Variants in MARCHF1 observed in about 807,000 individuals in gnomAD.
The protein encoded by MARCHF1 is E3 ubiquitin-protein ligase MARCHF1.
Under a neutral mutation model 54.2 loss-of-function variants are expected in MARCHF1, and 40 were observed. That is an observed-to-expected ratio of 0.74 (90% confidence interval 0.57 to 0.96). The LOEUF is 0.96. MARCHF1 is among the 40% of genes least tolerant of loss of function. The pLI, the probability that MARCHF1 is intolerant of heterozygous loss-of-function variation, is 0.00. For synonymous variants in MARCHF1, 236 were observed against 236.3 expected (o/e 1.00, Z 0.01); for missense variants, 586 against 656.5 (o/e 0.89, Z 1.17).
chr4:163,949,115 A>G (rs1217198437), intron 3 of MARCHF1, among the ~76,000 whole-genome samples: 3 of 152,190 alleles, frequency 2.0e-5, no homozygotes, highest in Non-Finnish European at 4.4e-5. Context: ...ACCGGCTTGG[A>G]TCCCTTGCCT....
At chr4:164,146,690 T>C (rs1389354020) in intron 1 of MARCHF1, among the ~76,000 whole-genome samples, 1 of 152,066 alleles carries the variant, frequency 6.6e-6, no homozygotes, top group Non-Finnish European at 1.5e-5. Context: ...GATTAAAGAC[T>C]TAAACATTAG....
At chr4:163,594,490 C>T (rs1304365398) in intron 7 of MARCHF1, among the ~76,000 whole-genome samples, 2 of 151,518 alleles carry the variant, frequency 1.3e-5, no homozygotes, top group Non-Finnish European at 2.9e-5. Context: ...CAACCAGTGC[C>T]AATACACACA....
chr4:163,783,033 T>A (rs933996733), intron 4 of MARCHF1, among the ~76,000 whole-genome samples: 2 of 152,166 alleles, frequency 1.3e-5, no homozygotes, highest in Admixed American at 1.3e-4. Flanking sequence ...CACTTCAATA[T>A]AAAGATAAAG....
intron 5 of MARCHF1, among the ~76,000 whole-genome samples, chr4:163,688,678 T>G (rs1744347034): frequency 1.3e-5 from 2 of 151,866 alleles, no homozygotes; most frequent in African/African-American, 4.8e-5. Flanking sequence ...TTGCACGGAG[T>G]TTTTAATTAA....
chr4:164,348,304 A>G (rs1257549371), intron 1 of MARCHF1, among the ~76,000 whole-genome samples: 1 of 152,202 alleles, frequency 6.6e-6, no homozygotes, highest in African/African-American at 2.4e-5. Context: ...GAAAGGAAGA[A>G]GAAAGATTCA....
chr4:163,801,037 A>C (rs1261888650), intron 4 of MARCHF1, among the ~76,000 whole-genome samples: 1 of 152,138 alleles, frequency 6.6e-6, no homozygotes, highest in Non-Finnish European at 1.5e-5. Context: ...CCAAGTACTA[A>C]ATCTGTTCAT....
rs1451835978 is a variant in MARCHF1 at position 163,923,965 on chromosome 4, C to T, written c.-39+64536G>A. On this transcript the variant is annotated intron_variant, in intron 3 of 9. Coordinates refer to ENST00000514618, the MANE Select transcript of MARCHF1 (RefSeq NM_001394959.1). ...TTGCTTATGGTTTTATATCATCTAC[C>T]ATTGTATCATGACTATTTTGGCCTG... is the stretch of plus-strand genomic sequence containing the variant. Among the ~76,000 whole-genome samples, 3 of 151,746 alleles carry T rather than the reference C, an allele frequency of 2.0e-5. No individual in the cohort carries two copies. The East Asian group carries it at 5.8e-4, about 29-fold the overall frequency.
intron 3 of MARCHF1, among the ~76,000 whole-genome samples, chr4:163,979,018 T>G (rs1379039494): frequency 3.7e-5 from 2 of 54,652 alleles, no homozygotes; most frequent in African/African-American, 1.1e-4. Flanking sequence ...GCCCTTTAAT[T>G]CTTTTTTTTT....
intron 4 of MARCHF1, among the ~76,000 whole-genome samples, chr4:163,797,713 T>C (rs1371250060): frequency 6.6e-6 from 1 of 152,044 alleles, no homozygotes; most frequent in Non-Finnish European, 1.5e-5. Context: ...ATTTCTAGAG[T>C]TTCATTTGAT....
chr4:163,649,108 T>C (rs983422431), intron 5 of MARCHF1, among the ~76,000 whole-genome samples: 1 of 152,076 alleles, frequency 6.6e-6, no homozygotes, highest in Non-Finnish European at 1.5e-5. Flanking sequence ...AGCTTCACTT[T>C]ATTTCTGGTG....
At chr4:163,906,907 T>C (rs1751081396) in intron 3 of MARCHF1, among the ~76,000 whole-genome samples, 1 of 151,900 alleles carries the variant, frequency 6.6e-6, no homozygotes, top group Admixed American at 6.6e-5. Flanking sequence ...TCATTGAAAA[T>C]CAATAAAGTA....
chr4:164,087,870 C>T (rs1482814822), intron 2 of MARCHF1, among the ~76,000 whole-genome samples: 1 of 151,636 alleles, frequency 6.6e-6, no homozygotes, highest in East Asian at 1.9e-4. Flanking sequence ...ATACATAAAA[C>T]CCAGCTGGAA....
chr4:164,189,876 G>A (rs1731078423), intron 1 of MARCHF1: 17 of 1,583,152 alleles, frequency 1.1e-5, no homozygotes, highest in Non-Finnish European at 1.4e-5. Flanking sequence ...AGTCACCTTT[G>A]AGATAGATGT....
rs559218863 is a variant in MARCHF1, at chr4:164,082,884, G to A, written c.-248+28704C>T. Among the ~76,000 whole-genome samples the A allele has an allele frequency of 6.6e-5, 10 of 152,236 alleles. No homozygotes were observed. The East Asian group carries it at 1.9e-3, about 29-fold the overall frequency. On this transcript the variant is annotated intron_variant, in intron 2 of 9. Coordinates refer to ENST00000514618, the MANE Select transcript of MARCHF1 (RefSeq NM_001394959.1). The stretch of plus-strand genomic sequence containing the variant: ...GCTACAAATCAGCACCAGCCATGTG[G>A]AATATTGAAATTTGAATCAACATTA...
chr4:163,785,438 T>C (rs1172029546), intron 4 of MARCHF1, among the ~76,000 whole-genome samples: 1 of 152,056 alleles, frequency 6.6e-6, no homozygotes, highest in Non-Finnish European at 1.5e-5. Context: ...AATATAGATG[T>C]TGTTGAATAT....
chr4:163,933,148 C>A (rs879109041), intron 3 of MARCHF1: 12 of 887,252 alleles, frequency 1.4e-5, no homozygotes, highest in Non-Finnish European at 2.0e-5. Context: ...GAAGATTCAT[C>A]CAAAAGACAG....
intron 1 of MARCHF1, among the ~76,000 whole-genome samples, chr4:164,327,140 A>G (rs577558357): frequency 3.0e-4 from 46 of 152,322 alleles, no homozygotes; most frequent in African/African-American, 1.1e-3. Flanking sequence ...GAATAAAAAT[A>G]GTAATCAGAA....
At chr4:163,669,863 G>C (rs1561009217) in intron 5 of MARCHF1, among the ~76,000 whole-genome samples, 1 of 152,190 alleles carries the variant, frequency 6.6e-6, no homozygotes, top group East Asian at 1.9e-4. Flanking sequence ...CTCCCAAAGT[G>C]CTGACATTAC....
chr4:163,692,229 G>A (rs1015682689), intron 5 of MARCHF1, among the ~76,000 whole-genome samples: 2 of 152,034 alleles, frequency 1.3e-5, no homozygotes, highest in East Asian at 3.8e-4. Flanking sequence ...CCTCTTCTGG[G>A]GCTGAGGAAG....
Sources: gnomAD v4.1 joint callset for allele counts (sites outside exome capture counted in the v4.1 genomes callset) on GRCh38, gnomAD v4.1.1 for gene constraint, MANE v1.5 for transcripts, NCBI Gene and HGNC (gene_info 2026-07-23, HGNC 2026-07-21) for gene names.